The following OTOF variants were observed in gnomAD, a reference collection of about 807,000 sequenced individuals.
OTOF encodes fer-1-like family member 2.
A neutral mutation model predicts 236.8 loss-of-function variants in OTOF; 218 were observed. That is an observed-to-expected ratio of 0.92 (90% CI 0.82 to 1.03). The LOEUF (loss-of-function observed/expected upper bound fraction) is 1.03, where lower values mean the gene tolerates loss of function less well. Among genes scored for constraint, OTOF ranks in the 50% least tolerant of loss-of-function variants. OTOF has a pLI of 0.00. For missense variants in OTOF, 2,590 were observed against 2,694.4 expected, an observed-to-expected ratio of 0.96 and a Z score of 0.86; for synonymous variants, 1,041 against 1,072.5, an observed-to-expected ratio of 0.97 and a Z score of 0.57.
At chr2:26,459,539 G>A (rs57995079) in intron 46 of OTOF, among the ~76,000 whole-genome samples, 8,730 of 141,310 alleles carry the variant, frequency 0.062, 508 homozygotes, top group African/African-American at 0.15. Flanking sequence ...GCGACAGAGC[G>A]AGACTCTGTC....
At chr2:26,489,604 G>C in intron 10 of OTOF, 74 bp downstream of exon 10, 1 of 1,287,304 alleles carries the variant, frequency 7.8e-7, no homozygotes. Flanking sequence ...AGACAGAGGG[G>C]GCCCCTCTCA....
intron 6 of OTOF, among the ~76,000 whole-genome samples, chr2:26,502,957 G>A (rs922760591): frequency 1.3e-5 from 2 of 152,248 alleles, no homozygotes; most frequent in African/African-American, 2.4e-5. Context: ...TTCATCTAAT[G>A]AGATGCAGAC....
chr2:26,482,393 T>C lies in OTOF; in HGVS notation c.1579+13A>G. 6.2e-7 allele frequency: 1 copy of C among 1,612,470 alleles called. No homozygotes were observed. The highest frequency in any genetic ancestry group is 1.1e-5 in the South Asian group (1 of 91,062). Reference sequence around the variant, plus strand: ...CCTCTGCCCCCCAGCACACCGGGTCTCCCGCTGCTGACCTTTGTCTCCGTC... The same window carrying C: ...CCTCTGCCCCCCAGCACACCGGGTCCCCCGCTGCTGACCTTTGTCTCCGTC... On this transcript the variant is annotated intron_variant, in intron 14 of 46. Coordinates refer to ENST00000272371, the MANE Select transcript of OTOF (RefSeq NM_194248.3).
intron 8 of OTOF, among the ~76,000 whole-genome samples, chr2:26,495,356 C>T (rs1665957184): frequency 6.6e-6 from 1 of 152,172 alleles, no homozygotes; most frequent in Non-Finnish European, 1.5e-5. Flanking sequence ...GAGGGAGAGG[C>T]ATTAAAAACA....
Position 26,489,367 on chromosome 2 carries a change from C to T in OTOF, c.961-72G>A, listed in dbSNP as rs561241392. The T allele has an allele frequency of 1.5e-3, 1,895 of 1,227,822 alleles. 2 individuals are homozygous for T. Among genetic ancestry groups the T allele is most frequent in the Non-Finnish European group, 1.8e-3 (1,527 of 854,126 alleles). The allele number at this position is 1,227,822 out of a possible 1,614,324, so 76.1% of individuals were successfully genotyped here. A position where few individuals can be genotyped will look rare whatever the true frequency, so the allele number is the denominator to read the frequency against. On this transcript the variant is annotated intron_variant, in intron 10 of 46. Transcript: ENST00000272371. ...GGCTTTCCATGGGGCAGTGGTGGGA[C>T]CCGAGCTTTGTGGTGAAGTGGGAGG...
intron 24 of OTOF, 90 bp downstream of exon 24, chr2:26,475,824 C>T: frequency 6.7e-7 from 1 of 1,502,930 alleles, no homozygotes. Flanking sequence ...GCCCCACAGG[C>T]TCACAGGCCC....
At chr2:26,520,720 A>C (rs1666656545) in intron 3 of OTOF, among the ~76,000 whole-genome samples, 1 of 152,172 alleles carries the variant, frequency 6.6e-6, no homozygotes, top group South Asian at 2.1e-4. Context: ...CCTGAGTCTC[A>C]ATTTGGTCTT....
At chr2:26,553,739 C>CG (rs1667518629) in intron 1 of OTOF, among the ~76,000 whole-genome samples, 2 of 152,148 alleles carry the variant, frequency 1.3e-5, no homozygotes, top group African/African-American at 4.8e-5. Flanking sequence ...TTCTGAGCTC[C>CG]GGGGGCCAAC....
chr2:26,476,364 C>G, intron 22 of OTOF, 47 bp from the exon 23 acceptor site: 2 of 1,573,908 alleles, frequency 1.3e-6, no homozygotes, highest in Non-Finnish European at 1.7e-6. Context: ...CTGCCAGGGC[C>G]CAAGAGGTGG....
intron 40 of OTOF, 85 bp downstream of exon 40, chr2:26,463,879 C>A: frequency 1.3e-6 from 2 of 1,569,552 alleles, no homozygotes; most frequent in South Asian, 1.1e-5. Context: ...CAGCGTGAGG[C>A]CTGGCTTCTA....
In OTOF at chr2:26,473,685, C is replaced by A; in HGVS notation, c.3409-118G>T. Reference sequence around the variant, plus strand: ...GCAGTGGGATGGGCAGTAGTTCACCCCAGATTTCAAAGGGTGGGAGCAGGG... The same window carrying A: ...GCAGTGGGATGGGCAGTAGTTCACCACAGATTTCAAAGGGTGGGAGCAGGG... On this transcript the variant is annotated intron_variant, in intron 27 of 46. Transcript: ENST00000272371. The surrounding 1 kb of genome is among the most constrained non-coding windows in gnomAD (Gnocchi z 7.2). 9.1e-7 allele frequency: 1 copy of A among 1,103,760 alleles called. No individual in the cohort carries two copies. The highest frequency in any genetic ancestry group is 1.3e-6 in the Non-Finnish European group (1 of 775,794). 68.4% of individuals were successfully genotyped at this position (1,103,760 alleles called of 1,614,324 possible). A position where few individuals can be genotyped will look rare whatever the true frequency, so the allele number is the denominator to read the frequency against.
intron 1 of OTOF, among the ~76,000 whole-genome samples, chr2:26,553,954 T>C (rs1667524975): frequency 6.6e-6 from 1 of 151,980 alleles, no homozygotes. Context: ...AGGCGGATCA[T>C]GAGGTCAGGA....
rs57054110 is a variant in OTOF at position 26,495,677 on chromosome 2, C to T, written c.766-604G>A. Among the ~76,000 whole-genome samples the T allele has an allele frequency of 6.3e-3, 964 of 152,120 alleles. 15 individuals are homozygous for T. Among genetic ancestry groups the T allele is most frequent in the African/African-American group, 0.022 (894 of 41,486 alleles). Reference sequence around the variant, plus strand: ...CCGGCCTCAAGTGATCTGTCTGCCTCGGCCTCCCAAAGTGCTGGAATTACA... The same window carrying T: ...CCGGCCTCAAGTGATCTGTCTGCCTTGGCCTCCCAAAGTGCTGGAATTACA... On this transcript the variant is annotated intron_variant, in intron 8 of 46. Transcript: ENST00000272371.
intron 33 of OTOF, 107 bp from the exon 34 acceptor site, chr2:26,467,608 A>G: frequency 7.6e-7 from 1 of 1,320,306 alleles, no homozygotes; most frequent in African/African-American, 1.5e-5. Context: ...TAACTCTCGG[A>G]TGTCCATGTG....
rs958422673 is a variant in OTOF, at chr2:26,457,789, A to T, written c.*449T>A. ...GCCTCAGCCAGGTGGGGCAAGAGAG[A>T]CCCATTCCAGGTCCCCACCCCATCC... On this transcript the variant is annotated 3_prime_UTR_variant, in exon 47 of 47. Transcript: ENST00000272371. This position sits in a 1 kb window ranked among gnomAD's most constrained non-coding sequence, Gnocchi z 4.4. The T allele has an allele frequency of 1.5e-5, 8 of 518,444 alleles. No individual in the cohort carries two copies. The highest frequency in any genetic ancestry group is 2.8e-5 in the Non-Finnish European group (8 of 290,864). The allele number at this position is 518,444 out of a possible 1,614,324, so 32.1% of individuals were successfully genotyped here. A position where few individuals can be genotyped will look rare whatever the true frequency, so the allele number is the denominator to read the frequency against.
intron 1 of OTOF, among the ~76,000 whole-genome samples, chr2:26,556,758 C>A (rs1667595591): frequency 6.6e-6 from 1 of 152,210 alleles, no homozygotes; most frequent in Non-Finnish European, 1.5e-5. Context: ...GCGCAGTGTT[C>A]TACCCCTGAA....
chr2:26,497,778 T>G (rs563561161), intron 8 of OTOF, among the ~76,000 whole-genome samples: 1 of 152,224 alleles, frequency 6.6e-6, no homozygotes, highest in East Asian at 1.9e-4. Flanking sequence ...TTCACAGAAG[T>G]TCAATATTCA....
chr2:26,490,066 T>A (rs771446894), intron 9 of OTOF, among the ~76,000 whole-genome samples: 2 of 152,206 alleles, frequency 1.3e-5, no homozygotes, highest in Non-Finnish European at 2.9e-5. Flanking sequence ...AGACCTGGGT[T>A]CTAGTCCCCG....
chr2:26,518,761 G>A (rs1209413414), intron 4 of OTOF, among the ~76,000 whole-genome samples: 2 of 152,236 alleles, frequency 1.3e-5, no homozygotes, highest in Non-Finnish European at 2.9e-5. Context: ...GGACCAGTTG[G>A]TGCATTCCCA....
Sources: allele counts gnomAD v4.1 joint callset (sites outside exome capture counted in the v4.1 genomes callset), GRCh38; gene constraint gnomAD v4.1.1; non-coding constraint Gnocchi (gnomAD v3.1); transcripts MANE v1.5; gene names NCBI Gene and HGNC (gene_info 2026-07-23, HGNC 2026-07-21).